Variants in RAP1GAP2 observed in about 807,000 individuals in gnomAD.
RAP1GAP2 encodes rap1 GTPase-activating protein 2.
RAP1GAP2 carries 27 observed loss-of-function variants against 95.0 expected under a neutral mutation model. The ratio of observed to expected loss-of-function variants is 0.28; its 90% CI spans 0.21 to 0.39. The LOEUF is 0.39. Ranked by LOEUF, RAP1GAP2 falls within the 10% of genes least tolerant of loss-of-function variation. The probability of loss-of-function intolerance (pLI) is 1.00; values close to 1 mark genes in which losing one functional copy is unlikely to be tolerated. For missense variants in RAP1GAP2, 771 were observed against 970.0 expected, an observed-to-expected ratio of 0.79 and a Z score of 2.72; for synonymous variants, 373 against 380.9, an observed-to-expected ratio of 0.98 and a Z score of 0.24.
chr17:2,803,900 A>G (rs2069404894), intron 2 of RAP1GAP2, among the ~76,000 whole-genome samples: 1 of 152,196 alleles, frequency 6.6e-6, no homozygotes, highest in African/African-American at 2.4e-5. Context: ...AAAACAGAAC[A>G]AAACAAAACA....
chr17:2,963,345 T>TC lies in RAP1GAP2; in HGVS notation c.247-80dup. ...TCCCTCAAAGCCCCCCCACAACATA[T>TC]CCCCCTTGCAAGACCTGGAAACAGT... On this transcript the variant is annotated intron_variant, in intron 5 of 24. Coordinates refer to ENST00000254695, the MANE Select transcript of RAP1GAP2 (RefSeq NM_015085.5). The surrounding 1 kb of genome is among the most constrained non-coding windows in gnomAD (Gnocchi z 4.8). The TC allele has an allele frequency of 7.3e-7, 1 of 1,375,922 alleles. No individual in the cohort carries two copies. 85.2% of individuals were successfully genotyped at this position (1,375,922 alleles called of 1,614,324 possible). A position where few individuals can be genotyped will look rare whatever the true frequency, so the allele number is the denominator to read the frequency against.
intron 2 of RAP1GAP2, among the ~76,000 whole-genome samples, chr17:2,816,407 G>A (rs1266978814): frequency 6.6e-6 from 1 of 151,922 alleles, no homozygotes; most frequent in Non-Finnish European, 1.5e-5. Context: ...GCGCGATCTT[G>A]GCTCACTGCA....
chr17:2,801,362 A>G (rs178560), intron 2 of RAP1GAP2, among the ~76,000 whole-genome samples: 1 of 150,586 alleles, frequency 6.6e-6, no homozygotes, highest in Non-Finnish European at 1.5e-5. Context: ...GTAATCCCAG[A>G]TACTCAGGAG....
chr17:2,776,774 C>T (rs1200927422), upstream of RAP1GAP2, among the ~76,000 whole-genome samples: 2 of 148,584 alleles, frequency 1.3e-5, no homozygotes, highest in East Asian at 2.0e-4. Flanking sequence ...TGGGGCCGGC[C>T]GGGGTGCGCG....
intron 3 of RAP1GAP2, among the ~76,000 whole-genome samples, chr17:2,925,525 C>T (rs2042926064): frequency 6.6e-6 from 1 of 150,820 alleles, no homozygotes; most frequent in Non-Finnish European, 1.5e-5. Context: ...GGGAAAACCG[C>T]TCCCTCGCTC....
chr17:2,947,184 A>C (rs960190503), intron 3 of RAP1GAP2, among the ~76,000 whole-genome samples: 1 of 152,040 alleles, frequency 6.6e-6, no homozygotes, highest in African/African-American at 2.4e-5. Context: ...CTCCAGCAGC[A>C]AAGGAGCCGT....
intron 2 of RAP1GAP2, among the ~76,000 whole-genome samples, chr17:2,771,616 C>T (rs965233788): frequency 1.3e-5 from 2 of 151,444 alleles, no homozygotes; most frequent in African/African-American, 2.4e-5. Context: ...CAGCCTCCCG[C>T]GTAGCTGGGA....
At chr17:2,779,244 T>C (rs2068580520) in intron 1 of RAP1GAP2, among the ~76,000 whole-genome samples, 1 of 152,268 alleles carries the variant, frequency 6.6e-6, no homozygotes, top group South Asian at 2.1e-4. Flanking sequence ...TCTCTGAGCC[T>C]CGGTTTCCTT....
intron 23 of RAP1GAP2, among the ~76,000 whole-genome samples, chr17:3,032,210 G>A (rs940596660): frequency 6.6e-6 from 1 of 150,472 alleles, no homozygotes. Flanking sequence ...GCTGGTTCCC[G>A]GGTCCCCCAG....
chr17:3,004,243 G>C lies in RAP1GAP2; in HGVS notation c.1201-1126G>C, dbSNP rs1411791507. Among the ~76,000 whole-genome samples the C allele has an allele frequency of 2.6e-5, 4 of 152,236 alleles. No individual in the cohort carries two copies. Among genetic ancestry groups the C allele is most frequent in the Admixed American group, 6.5e-5 (1 of 15,290 alleles). On this transcript the variant is annotated intron_variant, in intron 14 of 24. Coordinates refer to ENST00000254695, the MANE Select transcript of RAP1GAP2 (RefSeq NM_015085.5). This position sits in a 1 kb window ranked among gnomAD's most constrained non-coding sequence, Gnocchi z 4.1. ...CCGAACGCGCACCATTTCCTGACTC[G>C]GGGCACTGCAGTTTGGGCTGGGCAG...
At chr17:3,011,911 GC>G (rs1387525513) in intron 17 of RAP1GAP2, among the ~76,000 whole-genome samples, 1 of 152,040 alleles carries the variant, frequency 6.6e-6, no homozygotes, top group East Asian at 1.9e-4. Context: ...ACTGCGCCCG[GC>G]CTCCTTCCTG....
chr17:3,032,512 G>A, intron 24 of RAP1GAP2, 63 bp downstream of exon 24: 1 of 1,498,182 alleles, frequency 6.7e-7, no homozygotes, highest in Non-Finnish European at 9.3e-7. Flanking sequence ...TTAGATCAGG[G>A]AACTAGAGGC....
At chr17:2,805,532 T>G (rs1237540154) in intron 2 of RAP1GAP2, among the ~76,000 whole-genome samples, 5 of 151,814 alleles carry the variant, frequency 3.3e-5, no homozygotes, top group African/African-American at 1.2e-4. Flanking sequence ...TTATTATTAT[T>G]ATTATTATTT....
intron 2 of RAP1GAP2, among the ~76,000 whole-genome samples, chr17:2,837,070 G>A (rs2071162397): frequency 6.6e-6 from 1 of 152,032 alleles, no homozygotes; most frequent in Non-Finnish European, 1.5e-5. Context: ...GGGCAACAAG[G>A]TGAGACCCTG....
chr17:2,860,789 A>G (rs2072351972), intron 2 of RAP1GAP2, among the ~76,000 whole-genome samples: 1 of 151,620 alleles, frequency 6.6e-6, no homozygotes, highest in Non-Finnish European at 1.5e-5. Flanking sequence ...TATTTTCAGT[A>G]GAGATGGGGT....
chr17:2,937,240 C>T (rs528773195), intron 3 of RAP1GAP2, among the ~76,000 whole-genome samples: 30 of 152,296 alleles, frequency 2.0e-4, no homozygotes, highest in Middle Eastern at 3.4e-3. Context: ...CAGCTCCAAG[C>T]CAGTGCCTGG....
At chr17:2,794,559 A>G (rs937847515), upstream of RAP1GAP2, among the ~76,000 whole-genome samples, 1 of 152,154 alleles carries the variant, frequency 6.6e-6, no homozygotes, top group Admixed American at 6.5e-5. Context: ...GGTTGGGGGA[A>G]GCCTCCGGGC....
chr17:2,779,667 A>G lies in RAP1GAP2; in HGVS notation c.-14+2389A>G, dbSNP rs564803502. On this transcript the variant is annotated intron_variant, in intron 1 of 24. Coordinates refer to the RAP1GAP2 transcript ENST00000540393. ...GCAGAGGAGGGCGAGGGGAGAGGACAGCTCAGAAGCAGGTGCTTGAAGGAG... is the reference window on the plus strand; with the variant it reads ...GCAGAGGAGGGCGAGGGGAGAGGACGGCTCAGAAGCAGGTGCTTGAAGGAG... Among the ~76,000 whole-genome samples, 121 of 128,078 alleles carry G rather than the reference A, an allele frequency of 9.4e-4. 2 individuals carry two copies. The highest frequency in any genetic ancestry group is 4.5e-3 in the Middle Eastern group (1 of 220). 84.0% of individuals were successfully genotyped at this position (128,078 alleles called of 152,430 possible).
At chr17:2,885,009 A>ACATTTCT (rs2073434488) in intron 2 of RAP1GAP2, among the ~76,000 whole-genome samples, 1 of 149,690 alleles carries the variant, frequency 6.7e-6, no homozygotes, top group Non-Finnish European at 1.5e-5. Context: ...CCAAATAGGC[A>ACATTTCT]CATTTCTTTT....
Sources: gnomAD v4.1 joint callset for allele counts (sites outside exome capture counted in the v4.1 genomes callset) on GRCh38, gnomAD v4.1.1 for gene constraint, Gnocchi (gnomAD v3.1) non-coding constraint, MANE v1.5 for transcripts, NCBI Gene and HGNC (gene_info 2026-07-23, HGNC 2026-07-21) for gene names.